BACH2: variants seen among roughly 807,000 people sequenced by gnomAD.
BACH2 encodes BACH transcriptional regulator 2.
BACH2 carries 5 observed loss-of-function variants against 61.8 expected under a neutral mutation model. The observed-to-expected ratio is 0.08, with a 90% CI of 0.04 to 0.17. The LOEUF is 0.17. BACH2 is among the 10% of genes least tolerant of loss of function. The probability of loss-of-function intolerance (pLI) is 1.00; values close to 1 mark genes in which losing one functional copy is unlikely to be tolerated. For missense variants in BACH2, 824 were observed against 1,091.1 expected (o/e 0.76, Z 3.45); for synonymous variants, 446 against 440.1 (o/e 1.01, Z -0.17).
Position 90,194,344 on chromosome 6 carries a change from G to A in BACH2, c.-162+12225C>T, listed in dbSNP as rs555158651. Among the ~76,000 whole-genome samples the A allele has an allele frequency of 7.3e-5, 11 of 151,496 alleles. No homozygotes were observed. The South Asian group carries it at 1.9e-3, about 26-fold the overall frequency. On this transcript the variant is annotated intron_variant, in intron 4 of 8. Transcript: ENST00000257749. ...ATTTTTGATTTTTTTTTTCTGACAT[G>A]AAGAAAAAATGAAATGATAACTATC...
chr6:90,007,095 G>T (rs1777447537), intron 6 of BACH2, among the ~76,000 whole-genome samples: 1 of 151,562 alleles, frequency 6.6e-6, no homozygotes, highest in Admixed American at 6.6e-5. Context: ...TTTTTTTTGA[G>T]ACAGGGTCTC....
intron 1 of BACH2, among the ~76,000 whole-genome samples, chr6:90,284,536 G>C (rs1395585565): frequency 6.6e-6 from 1 of 152,160 alleles, no homozygotes; most frequent in East Asian, 1.9e-4. Context: ...TGCATTCAGG[G>C]AGGATTTGCT....
chr6:89,947,160 G>A (rs1241013083), intron 7 of BACH2, among the ~76,000 whole-genome samples: 1 of 152,200 alleles, frequency 6.6e-6, no homozygotes, highest in African/African-American at 2.4e-5. Context: ...TCACTTGAAA[G>A]AGAAGGCACC....
At chr6:89,947,773 G>A (rs904972809) in intron 7 of BACH2, among the ~76,000 whole-genome samples, 20 of 151,806 alleles carry the variant, frequency 1.3e-4, no homozygotes, top group East Asian at 9.7e-4. Context: ...GGGTTTCACC[G>A]TGTTAGCCAG....
At chr6:90,218,510 T>C (rs1442654919) in intron 3 of BACH2, among the ~76,000 whole-genome samples, 2 of 151,484 alleles carry the variant, frequency 1.3e-5, no homozygotes, top group South Asian at 2.1e-4. Flanking sequence ...TTCTTTCTTT[T>C]TTTTTTTTTT....
At chr6:90,013,068 CT>C (rs913583042) in intron 5 of BACH2, among the ~76,000 whole-genome samples, 9 of 152,072 alleles carry the variant, frequency 5.9e-5, no homozygotes, top group Non-Finnish European at 1.2e-4. Flanking sequence ...ATTTCAATTT[CT>C]AATTTTTCAC....
chr6:90,164,429 C>A (rs1767533009), intron 4 of BACH2, among the ~76,000 whole-genome samples: 2 of 151,852 alleles, frequency 1.3e-5, no homozygotes, highest in African/African-American at 4.8e-5. Flanking sequence ...TAATAGCTTA[C>A]CAACCAAAAA....
intron 4 of BACH2, among the ~76,000 whole-genome samples, chr6:90,179,846 TC>T: frequency 6.6e-6 from 1 of 152,308 alleles, no homozygotes; most frequent in South Asian, 2.1e-4. Context: ...TAGCACTGTA[TC>T]TAAGAACAAA....
At chr6:89,998,692 C>CTTT (rs540354097) in intron 6 of BACH2, among the ~76,000 whole-genome samples, 1 of 146,390 alleles carries the variant, frequency 6.8e-6, no homozygotes, top group East Asian at 2.0e-4. Context: ...TCTTTTTTCC[C>CTTT]TTTTTTTTTT....
chr6:90,123,694 C>A (rs905341893), intron 4 of BACH2, among the ~76,000 whole-genome samples: 1 of 133,832 alleles, frequency 7.5e-6, no homozygotes, highest in Admixed American at 8.2e-5. Flanking sequence ...GGCGTGAACC[C>A]GGGAGGCGGA....
At chr6:90,098,831 C>T (rs886807170) in intron 4 of BACH2, among the ~76,000 whole-genome samples, 2 of 152,164 alleles carry the variant, frequency 1.3e-5, no homozygotes, top group African/African-American at 2.4e-5. Flanking sequence ...AACACCCCTA[C>T]GTGGCTTCTG....
rs73752855 is a variant in BACH2, at chr6:89,932,388, T to C, written c.*20A>G. On this transcript the variant is annotated 3_prime_UTR_variant, in exon 9 of 9. Coordinates refer to ENST00000257749, the MANE Select transcript of BACH2 (RefSeq NM_021813.4). ...GCCTGGATGGGAGAGGTGTGCGGACTGGGAGGCAGAGCCGAGTCACTAGGT... is the reference window on the plus strand; with the variant it reads ...GCCTGGATGGGAGAGGTGTGCGGACCGGGAGGCAGAGCCGAGTCACTAGGT... The C allele has an allele frequency of 6.2e-7, 1 of 1,600,594 alleles. No homozygotes were observed. The highest frequency in any genetic ancestry group is 8.6e-7 in the Non-Finnish European group (1 of 1,169,268).
chr6:90,106,515 A>G (rs1230761772), intron 4 of BACH2, among the ~76,000 whole-genome samples: 8 of 152,228 alleles, frequency 5.3e-5, no homozygotes, highest in Admixed American at 5.2e-4. Context: ...CATACAGCCT[A>G]GCTGTGCAGT....
At chr6:89,983,998 C>CCTGACTGA (rs1180451388) in intron 6 of BACH2, among the ~76,000 whole-genome samples, 1 of 152,164 alleles carries the variant, frequency 6.6e-6, no homozygotes, top group Non-Finnish European at 1.5e-5. Flanking sequence ...TGTATAGGTG[C>CCTGACTGA]CTGACTGACC....
chr6:89,987,635 G>A (rs943052396), intron 6 of BACH2, among the ~76,000 whole-genome samples: 4 of 152,116 alleles, frequency 2.6e-5, no homozygotes, highest in African/African-American at 9.7e-5. Flanking sequence ...CACAAATAAG[G>A]AAGAACTTGC....
chr6:90,183,871 C>G (rs1231377586), intron 4 of BACH2, among the ~76,000 whole-genome samples: 3 of 152,188 alleles, frequency 2.0e-5, no homozygotes, highest in Non-Finnish European at 4.4e-5. Context: ...TGATCTCCCA[C>G]TGGAATTTCA....
intron 4 of BACH2, among the ~76,000 whole-genome samples, chr6:90,124,994 T>C (rs2127821185): frequency 6.6e-6 from 1 of 152,318 alleles, no homozygotes; most frequent in African/African-American, 2.4e-5. Context: ...CTTGCATTTT[T>C]CCAAAAGCAA....
chr6:89,989,090 C>T (rs982037674), intron 6 of BACH2, among the ~76,000 whole-genome samples: 5 of 152,204 alleles, frequency 3.3e-5, no homozygotes, highest in Non-Finnish European at 5.9e-5. Flanking sequence ...GCTGTGCTGG[C>T]ACAGAGCATG....
rs576253077 is a variant in BACH2, at chr6:90,058,503, G to A, written c.-13+30458C>T. Among the ~76,000 whole-genome samples the A allele has an allele frequency of 2.6e-5, 4 of 152,294 alleles. No homozygotes were observed. The South Asian group carries it at 8.3e-4, about 32-fold the overall frequency. On this transcript the variant is annotated intron_variant, in intron 5 of 8. Coordinates refer to ENST00000257749, the MANE Select transcript of BACH2 (RefSeq NM_021813.4). ...ATAAACAAATGGAAGAACATTCCAT[G>A]CTCATGGGTAGGAAGAATCAATATT...
Sources: allele counts gnomAD v4.1 joint callset (sites outside exome capture counted in the v4.1 genomes callset), GRCh38; gene constraint gnomAD v4.1.1; transcripts MANE v1.5; gene names NCBI Gene and HGNC (gene_info 2026-07-23, HGNC 2026-07-21).